The following ZC3H3 variants were observed in gnomAD, a reference collection of about 807,000 sequenced individuals.
ZC3H3 encodes the protein zinc finger CCCH domain-containing protein 3.
ZC3H3 carries 36 observed loss-of-function variants against 77.3 expected under a neutral mutation model. The ratio of observed to expected loss-of-function variants is 0.47; its 90% CI spans 0.36 to 0.61. The LOEUF (loss-of-function observed/expected upper bound fraction) is 0.61. ZC3H3 is among the 20% of genes least tolerant of loss of function. The pLI, the probability that ZC3H3 is intolerant of heterozygous loss-of-function variation, is 0.00. For synonymous variants in ZC3H3, 626 were observed against 555.2 expected (o/e 1.13, Z -1.79); for missense variants, 1,331 against 1,312.2 (o/e 1.01, Z -0.22).
At chr8:143,521,873 C>A (rs2130467811) in intron 3 of ZC3H3, among the ~76,000 whole-genome samples, 1 of 152,366 alleles carries the variant, frequency 6.6e-6, no homozygotes, top group South Asian at 2.1e-4. Context: ...AATGCAGCCC[C>A]AGCCTCTGGC....
At chr8:143,526,604 A>C (rs1822420501) in intron 3 of ZC3H3, among the ~76,000 whole-genome samples, 1 of 152,170 alleles carries the variant, frequency 6.6e-6, no homozygotes, top group African/African-American at 2.4e-5. Flanking sequence ...GGACCACAGC[A>C]GGGGCCCTCA....
At chr8:143,492,008 T>C (rs1821218359) in intron 4 of ZC3H3, among the ~76,000 whole-genome samples, 1 of 152,106 alleles carries the variant, frequency 6.6e-6, no homozygotes, top group Admixed American at 6.5e-5. Flanking sequence ...GCGTGGCTCG[T>C]ATCCCTGGGG....
rs1823010090 is a variant in ZC3H3, at chr8:143,541,366, C to G, written c.46+10G>C. 2 of 1,609,134 alleles carry G rather than the reference C, an allele frequency of 1.2e-6. No homozygotes were observed. The highest frequency in any genetic ancestry group is 1.7e-6 in the Non-Finnish European group (2 of 1,178,546). ...AAGGGGACTCGCGTCCCGGCCCCGGCCGGACCTACCCTGCAGTAGGCGGAT... is the reference window on the plus strand; with the variant it reads ...AAGGGGACTCGCGTCCCGGCCCCGGGCGGACCTACCCTGCAGTAGGCGGAT... On this transcript the variant is annotated intron_variant, in intron 1 of 11. Transcript: ENST00000262577.
At chr8:143,467,632 CAT>C (rs1563843346) in intron 8 of ZC3H3, among the ~76,000 whole-genome samples, 4 of 152,224 alleles carry the variant, frequency 2.6e-5, no homozygotes, top group Non-Finnish European at 5.9e-5. Context: ...AGGAGCTACA[CAT>C]GTCCCCCCCA....
chr8:143,446,928 A>AT (rs2129803886), intron 9 of ZC3H3, among the ~76,000 whole-genome samples: 1 of 152,352 alleles, frequency 6.6e-6, no homozygotes, highest in East Asian at 1.9e-4. Flanking sequence ...GCCTCAGGTG[A>AT]ATCTCCCAGG....
chr8:143,527,274 G>A (rs1234419773), intron 3 of ZC3H3, among the ~76,000 whole-genome samples: 1 of 152,196 alleles, frequency 6.6e-6, no homozygotes, highest in Non-Finnish European at 1.5e-5. Flanking sequence ...TGACTGGGGG[G>A]ATGTGCCAGC....
chr8:143,525,194 C>CA (rs1370164784), intron 3 of ZC3H3, among the ~76,000 whole-genome samples: 1 of 152,340 alleles, frequency 6.6e-6, no homozygotes, highest in African/African-American at 2.4e-5. Flanking sequence ...TGGCACCTCC[C>CA]AGCAGCGCTC....
chr8:143,503,997 G>A (rs945010872), intron 4 of ZC3H3, among the ~76,000 whole-genome samples: 2 of 152,222 alleles, frequency 1.3e-5, no homozygotes, highest in African/African-American at 4.8e-5. Context: ...GAGAGAGAGG[G>A]CGCGTGTGCC....
intron 9 of ZC3H3, among the ~76,000 whole-genome samples, chr8:143,447,670 C>T (rs941765313): frequency 1.3e-5 from 2 of 152,200 alleles, no homozygotes; most frequent in Non-Finnish European, 2.9e-5. Context: ...GGGGAGGCCT[C>T]AGGAAGCTTC....
chr8:143,505,807 A>G (rs1821674550), intron 4 of ZC3H3, among the ~76,000 whole-genome samples: 1 of 152,192 alleles, frequency 6.6e-6, no homozygotes, highest in African/African-American at 2.4e-5. Context: ...GGTGGGCTGA[A>G]TTCAGGCTTC....
intron 3 of ZC3H3, 145 bp from the exon 4 acceptor site, chr8:143,508,044 C>A: frequency 2.0e-6 from 2 of 1,002,104 alleles, no homozygotes; most frequent in South Asian, 2.1e-5. Flanking sequence ...AAACCCTCAA[C>A]CCATGTGGCA....
intron 3 of ZC3H3, among the ~76,000 whole-genome samples, chr8:143,509,087 C>T (rs1029910335): frequency 8.5e-5 from 13 of 152,150 alleles, no homozygotes; most frequent in Non-Finnish European, 1.5e-5. Context: ...GGCGTTCCCC[C>T]AGCACCATCC....
intron 9 of ZC3H3, among the ~76,000 whole-genome samples, chr8:143,455,904 C>T (rs768958811): frequency 5.3e-5 from 7 of 131,080 alleles, no homozygotes; most frequent in African/African-American, 8.7e-5. Flanking sequence ...ACCCAGGAGG[C>T]GGAGGTTGCA....
rs758316382 is a variant in ZC3H3 at position 143,538,552 on chromosome 8, T to C, written c.815A>G (p.Gln272Arg). 1.2e-6 allele frequency: 2 copies of C among 1,611,640 alleles called. No homozygotes were observed. The highest frequency in any genetic ancestry group is 1.1e-5 in the South Asian group (1 of 91,082). Reference sequence around the variant, plus strand: ...CCCCACTGAGCCAGACGGAACTGGCTGATCTGTGTGGCCAGCATCTACTCT... The same window carrying C: ...CCCCACTGAGCCAGACGGAACTGGCCGATCTGTGTGGCCAGCATCTACTCT... The part of the protein sequence containing the change: ...DRRVDAGHTD[Q>R]PVPSGSVGGP... The change falls in exon 2 of 12, where the codon CAG becomes CGG. Residue 272 changes from glutamine (Q) to arginine (R), a missense_variant. Physicochemically the swap from Gln to Arg is conservative, Grantham distance 43. This residue lies in a region of ZC3H3 where 978 missense variants were observed against 915.5 expected (regional missense o/e 1.07). Transcript: ENST00000262577.
At chr8:143,491,333 G>A (rs1301147927) in intron 4 of ZC3H3, among the ~76,000 whole-genome samples, 1 of 152,234 alleles carries the variant, frequency 6.6e-6, no homozygotes, top group African/African-American at 2.4e-5. Flanking sequence ...GCCACTGCCG[G>A]CCCACACGGA....
Position 143,538,562 on chromosome 8 carries a change from G to T in ZC3H3, c.805C>A (p.His269Asn). Residue 269 changes from histidine to asparagine, a missense_variant, in exon 2 of 12, where the codon CAC becomes AAC. Physicochemically the swap from His to Asn is moderately conservative, Grantham distance 68 (BLOSUM62 1). Transcript: ENST00000262577. ...LLGDRRVDAG[H>N]TDQPVPSGSV... ...CCAGACGGAACTGGCTGATCTGTGT[G>T]GCCAGCATCTACTCTCCTGTCCCCA... 2 of 1,611,328 alleles carry T rather than the reference G, an allele frequency of 1.2e-6. No individual in the cohort carries two copies. The highest frequency in any genetic ancestry group is 1.7e-6 in the Non-Finnish European group (2 of 1,180,008).
At chr8:143,443,900 CATG>C (rs1218039739) in intron 9 of ZC3H3, among the ~76,000 whole-genome samples, 1 of 151,522 alleles carries the variant, frequency 6.6e-6, no homozygotes, top group Non-Finnish European at 1.5e-5. Flanking sequence ...TTTCTATAAC[CATG>C]AAGAAATTGG....
rs1175650876 is a variant in ZC3H3 at position 143,527,905 on chromosome 8, G to C, written c.1561+8352C>G. On this transcript the variant is annotated intron_variant, in intron 3 of 11. Transcript: ENST00000262577. ...AGATAGGGCACCGAGCACCAGCAAGGAGAACGGGCAGACAGGGCCAAAGTC... is the reference window on the plus strand; with the variant it reads ...AGATAGGGCACCGAGCACCAGCAAGCAGAACGGGCAGACAGGGCCAAAGTC... Among the ~76,000 whole-genome samples the C allele has an allele frequency of 2.0e-5, 3 of 152,312 alleles. No homozygotes were observed. The East Asian group carries it at 5.8e-4, about 29-fold the overall frequency.
intron 3 of ZC3H3, among the ~76,000 whole-genome samples, chr8:143,523,935 T>C (rs1254614994): frequency 2.0e-5 from 3 of 152,216 alleles, no homozygotes; most frequent in Non-Finnish European, 4.4e-5. Flanking sequence ...CACAGGGCCA[T>C]GTCTGAGCAC....
Sources: allele counts gnomAD v4.1 joint callset (sites outside exome capture counted in the v4.1 genomes callset), GRCh38; gene constraint gnomAD v4.1.1; regional missense constraint gnomAD v4.1.1; transcripts MANE v1.5; gene names NCBI Gene and HGNC (gene_info 2026-07-23, HGNC 2026-07-21).